Variants in MFSD12 observed in about 807,000 individuals in gnomAD.
MFSD12 encodes major facilitator superfamily domain containing 12, also known as major facilitator superfamily domain-containing protein 12.
MFSD12 carries 67 observed loss-of-function variants against 51.2 expected under a neutral mutation model. The observed-to-expected ratio is 1.31, with a 90% CI of 1.08 to 1.60. The LOEUF is 1.60. Ranked by LOEUF, MFSD12 falls within the 40% of genes most tolerant of loss-of-function variation. The probability of loss-of-function intolerance (pLI) is 0.00; values close to 1 mark genes in which losing one functional copy is unlikely to be tolerated. For synonymous variants in MFSD12, 441 were observed against 316.7 expected (o/e 1.39, Z -4.17); for missense variants, 921 against 673.0 (o/e 1.37, Z -4.08).
At chr19:3,543,643 G>A (rs528421087), downstream of MFSD12, 142 of 1,543,760 alleles carry the variant, frequency 9.2e-5, no homozygotes, top group Admixed American at 3.9e-4. Flanking sequence ...GGGGGAGCGC[G>A]CTGTGGAAAG....
chr19:3,540,678 G>A (rs192889526), downstream of MFSD12, among the ~76,000 whole-genome samples: 1,771 of 150,202 alleles, frequency 0.012, 21 homozygotes, highest in Admixed American at 0.016. Context: ...TCAGGAGTTC[G>A]AGACCAGCCT....
intron 4 of MFSD12, chr19:3,538,944 G>C (rs745791142): frequency 4.6e-6 from 3 of 645,732 alleles, no homozygotes; most frequent in Non-Finnish European, 8.5e-6. Context: ...AGAGCTGGGG[G>C]CTCAGGGCCA....
rs185636811 is a variant in MFSD12 at position 3,546,864 on chromosome 19, C to T, written c.1023+408G>A. Among the ~76,000 whole-genome samples, 42 of 152,200 alleles carry T rather than the reference C, an allele frequency of 2.8e-4. No individual in the cohort carries two copies. The East Asian group carries it at 5.2e-3, about 19-fold the overall frequency. ...TTTTTTTTTCTGGAGACAAGAGTCT[C>T]GCTGTGTCGCCCAGGCTGGAGTGCA... On this transcript the variant is annotated intron_variant, in intron 6 of 9. Coordinates refer to ENST00000355415, the MANE Select transcript of MFSD12 (RefSeq NM_174983.5).
At position 3,551,081 on chromosome 19, in the gene MFSD12, A is replaced by C. The variant is rs1476838162; in HGVS notation, c.412T>G (p.Phe138Val). The change falls in exon 2 of 10, where the codon TTC (phenylalanine) becomes GTC (valine). Residue 138 changes from phenylalanine (F) to valine (V), a missense_variant. Transcript: ENST00000355415. The surrounding 1 kb of genome is among the most constrained non-coding windows in gnomAD (Gnocchi z 4.6). ...LLYYGPFIVI[F>V]QFGWASTQIS... ...TGTGTGGAGGCCCAGCCAAACTGGA[A>C]GATCACGATGAACGGGCCGTAGTAG... 6.2e-7 allele frequency: 1 copy of C among 1,613,120 alleles called. No individual in the cohort carries two copies. The highest frequency in any genetic ancestry group is 1.7e-5 in the Admixed American group (1 of 60,010).
At position 3,544,891 on chromosome 19, in the gene MFSD12, C is replaced by T. The variant is rs774646938; in HGVS notation, c.1338G>A (p.Met446Ile). ...RACVSFYHWA[M>I]VAVTGGVGVA... The stretch of plus-strand genomic sequence containing the variant: ...CGCCCACGCCGCCCGTCACAGCCAC[C>T]ATCGCCCAGTGGTAAAAGCTCACGC... The change falls in exon 9 of 10, where the codon ATG becomes ATA. Residue 446 changes from methionine (M) to isoleucine (I), a missense_variant. Physicochemically the swap from Met to Ile is conservative, Grantham distance 10. Coordinates refer to ENST00000355415, the MANE Select transcript of MFSD12 (RefSeq NM_174983.5). 1.9e-6 allele frequency: 3 copies of T among 1,611,910 alleles called. No homozygotes were observed. Among genetic ancestry groups the T allele is most frequent in the South Asian group, 2.2e-5 (2 of 90,982 alleles).
chr19:3,539,938 A>G (rs1204978905), downstream of MFSD12: 1 of 152,160 alleles, frequency 6.6e-6, no homozygotes, highest in Admixed American at 6.6e-5. Context: ...CCTTTGCTCC[A>G]TTTCCAAGGA....
chr19:3,555,579 G>C (rs1300598479), intron 1 of MFSD12, among the ~76,000 whole-genome samples: 1 of 152,170 alleles, frequency 6.6e-6, no homozygotes, highest in Non-Finnish European at 1.5e-5. Flanking sequence ...CTGGACATAG[G>C]AAACATGAAA....
At chr19:3,554,374 T>C (rs976423536) in intron 1 of MFSD12, among the ~76,000 whole-genome samples, 2 of 151,248 alleles carry the variant, frequency 1.3e-5, no homozygotes, top group East Asian at 1.9e-4. Flanking sequence ...GAGGCGAAGG[T>C]TGCAGTGAGC....
intron 6 of MFSD12, 130 bp from the exon 7 acceptor site, chr19:3,546,555 T>C: frequency 4.4e-6 from 5 of 1,125,752 alleles, no homozygotes; most frequent in Non-Finnish European, 5.0e-6. Context: ...GAGCCCTGGC[T>C]CTGGCCCTGG....
At chr19:3,544,007 A>C (rs537022492), downstream of MFSD12, 1 of 1,537,392 alleles carries the variant, frequency 6.5e-7, no homozygotes, top group Admixed American at 2.0e-5. Flanking sequence ...CCACTCCCCG[A>C]TAAAGGCATG....
At chr19:3,543,480 GCCC>G (rs34196068), downstream of MFSD12, 30 of 1,338,582 alleles carry the variant, frequency 2.2e-5, no homozygotes, top group African/African-American at 1.9e-4. Flanking sequence ...TCGGGTGAGT[GCCC>G]CCCCCCCCGC....
Position 3,557,390 on chromosome 19 carries a change from G to C in MFSD12, c.14C>G (p.Pro5Arg). 3.0e-6 allele frequency: 4 copies of C among 1,331,376 alleles called. No homozygotes were observed. The highest frequency in any genetic ancestry group is 2.9e-6 in the Non-Finnish European group (3 of 1,038,354). The allele number at this position is 1,331,376 out of a possible 1,614,324, so 82.5% of individuals were successfully genotyped here. ...GGACGGCGCCGCTCCGGCCGCTGGGGGTCCCGGGCCCATCGCGGCGCCGGG... is the reference window on the plus strand; with the variant it reads ...GGACGGCGCCGCTCCGGCCGCTGGGCGTCCCGGGCCCATCGCGGCGCCGGG... MGPG[P>R]PAAGAAPSPR... is the part of the protein sequence containing the mutation. The change falls in exon 1 of 10, where the codon CCC becomes CGC. Residue 5 changes from proline to arginine, a missense_variant. Transcript: ENST00000355415.
chr19:3,540,863 C>G (rs2030335295), downstream of MFSD12, among the ~76,000 whole-genome samples: 1 of 96,534 alleles, frequency 1.0e-5, no homozygotes, highest in African/African-American at 4.1e-5. Flanking sequence ...CAGAGCGAAA[C>G]TCCATCTCAA....
chr19:3,555,976 C>T (rs746727280), intron 1 of MFSD12, among the ~76,000 whole-genome samples: 12 of 152,200 alleles, frequency 7.9e-5, no homozygotes, highest in Non-Finnish European at 1.6e-4. Context: ...CAGCCCATGA[C>T]GCCAGCCTCC....
chr19:3,542,673 G>A, downstream of MFSD12: 1 of 1,175,846 alleles, frequency 8.5e-7, no homozygotes, highest in Non-Finnish European at 1.1e-6. Context: ...AGTAGAGATG[G>A]GGTTTTACCA....
At chr19:3,553,778 A>C (rs181864864) in intron 1 of MFSD12, among the ~76,000 whole-genome samples, 30 of 149,318 alleles carry the variant, frequency 2.0e-4, no homozygotes, top group Admixed American at 1.1e-3. Flanking sequence ...GAAACAGAGA[A>C]AGAAAGGAAA....
intron 1 of MFSD12, among the ~76,000 whole-genome samples, chr19:3,555,849 C>A (rs1051871630): frequency 6.6e-6 from 1 of 152,192 alleles, no homozygotes; most frequent in African/African-American, 2.4e-5. Context: ...TCTGTGAGGG[C>A]AAGAAGAGCA....
At chr19:3,544,121 C>T (rs753059469), downstream of MFSD12, 294 of 1,417,578 alleles carry the variant, frequency 2.1e-4, no homozygotes, top group South Asian at 1.5e-3. Context: ...GCTCGCTGGC[C>T]GCCCACAACC....
At chr19:3,538,964 C>T (rs1210289461) in intron 4 of MFSD12, 1 of 636,738 alleles carries the variant, frequency 1.6e-6, no homozygotes, top group Admixed American at 2.4e-5. Context: ...ACGGACCCCA[C>T]CTGGCAGTGG....
Sources: gnomAD v4.1 joint callset for allele counts (sites outside exome capture counted in the v4.1 genomes callset) on GRCh38, gnomAD v4.1.1 for gene constraint, Gnocchi (gnomAD v3.1) non-coding constraint, MANE v1.5 for transcripts, NCBI Gene and HGNC (gene_info 2026-07-23, HGNC 2026-07-21) for gene names.